The following PAXIP1 variants were observed in gnomAD, a reference collection of about 807,000 sequenced individuals.
PAXIP1 encodes the protein PAX-interacting protein 1.
In PAXIP1, 19 loss-of-function variants were observed where a neutral mutation model predicts 140.6. That is an observed-to-expected ratio of 0.14 (90% CI 0.09 to 0.20). The LOEUF (loss-of-function observed/expected upper bound fraction) is 0.20. Among genes scored for constraint, PAXIP1 ranks in the 10% least tolerant of loss-of-function variants. The pLI, the probability that PAXIP1 is intolerant of heterozygous loss-of-function variation, is 1.00. For synonymous variants in PAXIP1, 442 were observed against 444.6 expected, an observed-to-expected ratio of 0.99 and a Z score of 0.07; for missense variants, 920 against 1,208.6, an observed-to-expected ratio of 0.76 and a Z score of 3.54.
At chr7:154,998,832 T>A in intron 1 of PAXIP1, 48 bp from the exon 2 acceptor site, 1 of 1,511,622 alleles carries the variant, frequency 6.6e-7, no homozygotes, top group Non-Finnish European at 9.1e-7. Context: ...AATACTGTAC[T>A]GTACTCTTGA....
intron 5 of PAXIP1, among the ~76,000 whole-genome samples, chr7:154,976,758 C>T (rs1029463090): frequency 1.3e-5 from 2 of 152,158 alleles, no homozygotes; most frequent in African/African-American, 2.4e-5. Context: ...CAATGCATCA[C>T]GTACACTCAT....
chr7:154,964,826 G>A (rs1472537878), intron 8 of PAXIP1: 1 of 152,174 alleles, frequency 6.6e-6, no homozygotes, highest in Non-Finnish European at 1.5e-5. Flanking sequence ...TAAGATTAGA[G>A]TTCCTTTCTG....
chr7:154,981,213 G>C (rs567263679), intron 5 of PAXIP1, among the ~76,000 whole-genome samples: 40 of 152,188 alleles, frequency 2.6e-4, no homozygotes, highest in Middle Eastern at 6.8e-3. Context: ...TTCTTCAAGG[G>C]GACAGCAGGA....
At chr7:155,002,619 C>A (rs544304754) in intron 1 of PAXIP1, among the ~76,000 whole-genome samples, 49 of 151,846 alleles carry the variant, frequency 3.2e-4, no homozygotes, top group African/African-American at 1.0e-3. Context: ...GCACTAGGGG[C>A]CGAGGTACAG....
At chr7:154,964,994 G>A (rs546170382) in intron 8 of PAXIP1, 2 of 152,258 alleles carry the variant, frequency 1.3e-5, no homozygotes, top group African/African-American at 2.4e-5. Flanking sequence ...GCAAATTACT[G>A]TATACTCCTC....
At chr7:154,948,669 T>G (rs1266037761) in intron 16 of PAXIP1, 1 of 151,758 alleles carries the variant, frequency 6.6e-6, no homozygotes, top group Non-Finnish European at 1.5e-5. Flanking sequence ...CCGACTATTT[T>G]AGGAAGTTCA....
intron 13 of PAXIP1, among the ~76,000 whole-genome samples, chr7:154,959,423 G>T (rs143420612): frequency 7.2e-5 from 11 of 152,296 alleles, no homozygotes; most frequent in African/African-American, 2.4e-4. Flanking sequence ...GGTCCTGTCT[G>T]TAACTTAGTA....
At position 155,002,797 on chromosome 7, in the gene PAXIP1, C is replaced by CGGACGG. The variant is rs1431019469; in HGVS notation, c.81+46_81+51dup. 1.3e-5 allele frequency: 14 copies of CGGACGG among 1,052,610 alleles called. No individual in the cohort carries two copies. The South Asian group carries it at 1.8e-4, about 13-fold the overall frequency. 65.2% of individuals were successfully genotyped at this position (1,052,610 alleles called of 1,614,324 possible). ...GCGGGGACGGGGACGGGGACGGGGA[C>CGGACGG]GGACGGGGACGCGGACGGGGGAGGA... On this transcript the variant is annotated intron_variant, in intron 1 of 20. Coordinates refer to ENST00000404141, the MANE Select transcript of PAXIP1 (RefSeq NM_007349.4).
intron 4 of PAXIP1, among the ~76,000 whole-genome samples, chr7:154,988,456 T>G (rs73493756): frequency 0.024 from 3,639 of 152,310 alleles, 143 homozygotes; most frequent in African/African-American, 0.083. Context: ...AATATAACAA[T>G]TTGTTACAAA....
intron 10 of PAXIP1, 82 bp downstream of exon 10, chr7:154,962,239 G>C (rs1170389695): frequency 1.4e-6 from 2 of 1,474,804 alleles, no homozygotes; most frequent in Non-Finnish European, 1.9e-6. Context: ...CAACGCAGGA[G>C]CCTCAGGTAA....
chr7:154,994,724 A>C (rs1338950736), intron 2 of PAXIP1, among the ~76,000 whole-genome samples: 1 of 152,196 alleles, frequency 6.6e-6, no homozygotes, highest in African/African-American at 2.4e-5. Flanking sequence ...AACTCTAAAT[A>C]AGTATATTTT....
intron 13 of PAXIP1, among the ~76,000 whole-genome samples, chr7:154,958,002 A>G (rs1459521048): frequency 6.7e-6 from 1 of 149,626 alleles, no homozygotes; most frequent in Non-Finnish European, 1.5e-5. Flanking sequence ...AAGAATGTGG[A>G]AAACATGATT....
chr7:155,003,406 A>C (rs1417223281), upstream of PAXIP1: 2 of 151,676 alleles, frequency 1.3e-5, no homozygotes, highest in East Asian at 2.0e-4. Flanking sequence ...TCCCGTCGCC[A>C]CATGCGGCTG....
rs1809153566 is a variant in PAXIP1, at chr7:154,968,787, G to T, written c.1414C>A (p.Gln472Lys). ...TGCTGTGGAGGATGCAACTGTTGCT[G>T]TGGAAACTGTAGCTGTTGCTGTGAA... Reference protein sequence around the residue: ...QFSQQQLQFPQQQLHPPQQLH... With the variant: ...QFSQQQLQFPKQQLHPPQQLH... The change falls in exon 7 of 21, where the codon CAG (glutamine) becomes AAG (lysine). Residue 472 changes from glutamine to lysine, a missense_variant. Gln to Lys is a moderately conservative substitution (Grantham distance 53, BLOSUM62 1). Transcript: ENST00000404141. 1.4e-6 allele frequency: 1 copy of T among 722,218 alleles called. No homozygotes were observed. The allele number at this position is 722,218 out of a possible 1,614,324, so 44.7% of individuals were successfully genotyped here.
intron 3 of PAXIP1, among the ~76,000 whole-genome samples, chr7:154,991,780 C>T (rs1224665997): frequency 6.6e-6 from 1 of 152,136 alleles, no homozygotes; most frequent in Non-Finnish European, 1.5e-5. Flanking sequence ...TCAGAGCAAA[C>T]AATGACTTTT....
intron 13 of PAXIP1, among the ~76,000 whole-genome samples, chr7:154,957,659 T>C (rs1048817528): frequency 6.6e-6 from 1 of 152,242 alleles, no homozygotes. Flanking sequence ...TTTTGTCCTG[T>C]GTCCCAATTT....
At chr7:154,948,762 A>ATT (rs1056325696) in intron 16 of PAXIP1, 21 of 150,536 alleles carry the variant, frequency 1.4e-4, no homozygotes, top group South Asian at 6.3e-4. Context: ...CCAAGTGTAT[A>ATT]TTATATATAT....
At chr7:154,985,598 T>C (rs1372305471) in intron 4 of PAXIP1, among the ~76,000 whole-genome samples, 1 of 152,182 alleles carries the variant, frequency 6.6e-6, no homozygotes, top group African/African-American at 2.4e-5. Flanking sequence ...AACTATCTGC[T>C]TGCTTATCTG....
chr7:154,946,586 C>T lies in PAXIP1; in HGVS notation c.3059G>A (p.Ser1020Asn). Residue 1020 changes from serine (S) to asparagine (N), a missense_variant and splice_region_variant, in exon 19 of 21, where the codon AGT (serine) becomes AAT (asparagine). Around this residue, in one of 5 missense-constraint regions of PAXIP1, gnomAD observed 303 missense variants for 517.9 expected, o/e 0.59. Coordinates refer to ENST00000404141, the MANE Select transcript of PAXIP1 (RefSeq NM_007349.4). The surrounding 1 kb of genome is among the most constrained non-coding windows in gnomAD (Gnocchi z 4.9). ...GGATATTAAAATTATTTCCGACAAACTCTAAGGAAAAGAAAATGAGTTTCT... is the reference window on the plus strand; with the variant it reads ...GGATATTAAAATTATTTCCGACAAATTCTAAGGAAAAGAAAATGAGTTTCT... ...RKLMEHKQNS[S>N]LSEIILISCE... 6.2e-7 allele frequency: 1 copy of T among 1,613,690 alleles called. No individual in the cohort carries two copies. Among genetic ancestry groups the T allele is most frequent in the Non-Finnish European group, 8.5e-7 (1 of 1,179,726 alleles).
Sources: gnomAD v4.1 joint callset for allele counts (sites outside exome capture counted in the v4.1 genomes callset) on GRCh38, gnomAD v4.1.1 for gene constraint, gnomAD v4.1.1 regional missense constraint, Gnocchi (gnomAD v3.1) non-coding constraint, MANE v1.5 for transcripts, NCBI Gene and HGNC (gene_info 2026-07-23, HGNC 2026-07-21) for gene names.